Variants in MYH13 observed in about 807,000 individuals in gnomAD.
The protein encoded by MYH13 is myosin heavy chain 13, also known as myosin-13.
In MYH13, 177 loss-of-function variants were observed where a neutral mutation model predicts 232.1. The observed-to-expected ratio is 0.76, with a 90% confidence interval of 0.67 to 0.86. The LOEUF (loss-of-function observed/expected upper bound fraction) is 0.86. Ranked by LOEUF, MYH13 falls within the 40% of genes least tolerant of loss-of-function variation. The probability of loss-of-function intolerance (pLI) is 0.00; values close to 1 mark genes in which losing one functional copy is unlikely to be tolerated. For synonymous variants in MYH13, 884 were observed against 923.5 expected (o/e 0.96, Z 0.78); for missense variants, 2,246 against 2,405.9 (o/e 0.93, Z 1.39).
intron 5 of MYH13, among the ~76,000 whole-genome samples, chr17:10,361,243 A>G (rs1196043350): frequency 2.6e-5 from 4 of 151,918 alleles, no homozygotes; most frequent in African/African-American, 7.3e-5. Context: ...ACACCATTGC[A>G]TTAGATGATT....
chr17:10,364,467 T>C lies in MYH13; in HGVS notation c.64A>G (p.Lys22Glu). The change falls in exon 3 of 41, where the codon AAG becomes GAG. Residue 22 changes from lysine to glutamate, a missense_variant. Coordinates refer to ENST00000252172, the MANE Select transcript of MYH13 (RefSeq NM_003802.3). ...CGATTTTGAGCCTCGATTCTCTCCT[T>C]CTCTGGTTTCCGGAGGTAGGGAGCT... ...EAAPYLRKPE[K>E]ERIEAQNRPF... is the part of the protein sequence containing the mutation. 4 of 1,612,360 alleles carry C rather than the reference T, an allele frequency of 2.5e-6. No individual in the cohort carries two copies. The highest frequency in any genetic ancestry group is 3.4e-6 in the Non-Finnish European group (4 of 1,179,166).
chr17:10,319,366 G>A (rs112462085), intron 26 of MYH13, among the ~76,000 whole-genome samples, 187 bp from the exon 27 acceptor site: 20,229 of 151,830 alleles, frequency 0.13, 1,611 homozygotes, highest in East Asian at 0.31. Context: ...AAAATTAGCC[G>A]GGTGTGGTGG....
chr17:10,335,015 A>G (rs552792871), intron 18 of MYH13, among the ~76,000 whole-genome samples: 22 of 152,318 alleles, frequency 1.4e-4, no homozygotes, highest in Middle Eastern at 3.4e-3. Flanking sequence ...GATCCCAGCT[A>G]TGCTGTTTAC....
intron 11 of MYH13, among the ~76,000 whole-genome samples, chr17:10,352,529 C>A (rs1250422427): frequency 6.6e-6 from 1 of 151,800 alleles, no homozygotes; most frequent in Non-Finnish European, 1.5e-5. Context: ...GCAGAAGTTG[C>A]AGTGAGCCGA....
chr17:10,343,882 G>T lies in MYH13; in HGVS notation c.1812C>A (p.Asn604Lys), dbSNP rs12938754. 1.2e-6 allele frequency: 2 copies of T among 1,614,042 alleles called. No individual in the cohort carries two copies. Among genetic ancestry groups the T allele is most frequent in the Admixed American group, 3.3e-5 (2 of 60,012 alleles). Residue 604 changes from asparagine to lysine, a missense_variant, in exon 16 of 41, where the codon AAC becomes AAA. Asn to Lys is a moderately conservative substitution (Grantham distance 94). Coordinates refer to ENST00000252172, the MANE Select transcript of MYH13 (RefSeq NM_003802.3). The part of the protein sequence containing the change: ...GWLDKNKDPL[N>K]ETVVGLYQKS... ...TCTGGTACAGCCCCACCACAGTCTC[G>T]TTCAGGGGGTCCTTGTTTTTGTCCA... is the stretch of plus-strand genomic sequence containing the variant.
At chr17:10,340,506 A>G (rs1279654007) in intron 16 of MYH13, 105 bp from the exon 17 acceptor site, 2 of 825,106 alleles carry the variant, frequency 2.4e-6, no homozygotes, top group Non-Finnish European at 1.9e-6. Flanking sequence ...TCCTTTTGAC[A>G]TAAGAGACTT....
chr17:10,316,306 C>T (rs1906709743), intron 27 of MYH13, among the ~76,000 whole-genome samples: 6 of 152,044 alleles, frequency 3.9e-5, no homozygotes, highest in Admixed American at 2.6e-4. Flanking sequence ...ACTAAAAATA[C>T]AGAAATTAGC....
chr17:10,322,791 G>A (rs369222262), intron 23 of MYH13, among the ~76,000 whole-genome samples: 166 of 152,000 alleles, frequency 1.1e-3, no homozygotes, highest in Middle Eastern at 0.01. Context: ...CCGCCACCAC[G>A]CCCGGCTAAT....
intron 31 of MYH13, 150 bp from the exon 32 acceptor site, chr17:10,312,226 A>G: frequency 1.2e-6 from 1 of 856,078 alleles, no homozygotes; most frequent in Non-Finnish European, 1.8e-6. Flanking sequence ...TAGATCAGGG[A>G]CCCCAAACTG....
chr17:10,369,362 A>G (rs1030486773), intron 2 of MYH13, among the ~76,000 whole-genome samples: 1 of 152,258 alleles, frequency 6.6e-6, no homozygotes, highest in African/African-American at 2.4e-5. Flanking sequence ...AAATGGGCAT[A>G]TGAATCCTAC....
chr17:10,329,757 C>T (rs143826764), intron 21 of MYH13, among the ~76,000 whole-genome samples: 21 of 151,998 alleles, frequency 1.4e-4, no homozygotes, highest in African/African-American at 4.1e-4. Flanking sequence ...CCAAGGCGGG[C>T]GGATCACCTG....
At chr17:10,346,588 G>T (rs2071667940) in intron 13 of MYH13, 92 bp downstream of exon 13, 2 of 960,382 alleles carry the variant, frequency 2.1e-6, no homozygotes, top group African/African-American at 1.7e-5. Flanking sequence ...GATTTCATGT[G>T]CATTTCTGAT....
intron 12 of MYH13, among the ~76,000 whole-genome samples, chr17:10,350,279 C>T (rs1240222733): frequency 6.6e-6 from 1 of 152,106 alleles, no homozygotes; most frequent in African/African-American, 2.4e-5. Context: ...TTAAAAAAAA[C>T]AGGCACATTT....
chr17:10,311,082 T>C (rs558832981), intron 33 of MYH13, 21 bp downstream of exon 33: 1 of 1,612,872 alleles, frequency 6.2e-7, no homozygotes, highest in Admixed American at 1.7e-5. Context: ...AATTTCTGAA[T>C]GTCATATCCT....
chr17:10,315,550 T>A, intron 29 of MYH13, 143 bp downstream of exon 29: 1 of 712,714 alleles, frequency 1.4e-6, no homozygotes, highest in South Asian at 2.0e-5. Flanking sequence ...TGCCTTGGCC[T>A]CCCAAAGTGC....
chr17:10,318,567 G>A (rs1906798842), intron 27 of MYH13, among the ~76,000 whole-genome samples: 2 of 152,200 alleles, frequency 1.3e-5, no homozygotes, highest in Non-Finnish European at 2.9e-5. Context: ...ATAAATTTCT[G>A]TTGTTTATAA....
intron 1 of MYH13, among the ~76,000 whole-genome samples, chr17:10,371,676 C>T (rs1280415668): frequency 6.6e-6 from 1 of 152,132 alleles, no homozygotes; most frequent in Non-Finnish European, 1.5e-5. Context: ...AGAGAAACCG[C>T]TTCTGACTGG....
chr17:10,342,407 AAC>A (rs1597384317), intron 16 of MYH13, among the ~76,000 whole-genome samples: 1 of 152,096 alleles, frequency 6.6e-6, no homozygotes, highest in African/African-American at 2.4e-5. Context: ...CAAAATTTTG[AAC>A]ACAGTTATCA....
At chr17:10,339,105 C>T (rs530217510) in intron 18 of MYH13, among the ~76,000 whole-genome samples, 34 of 151,014 alleles carry the variant, frequency 2.3e-4, no homozygotes, top group African/African-American at 7.8e-4. Context: ...CCCCCGACAA[C>T]GTATACCTCT....
Sources: gnomAD v4.1 joint callset for allele counts (sites outside exome capture counted in the v4.1 genomes callset) on GRCh38, gnomAD v4.1.1 for gene constraint, MANE v1.5 for transcripts, NCBI Gene and HGNC (gene_info 2026-07-23, HGNC 2026-07-21) for gene names.